SAMD3: variants seen among roughly 807,000 people sequenced by gnomAD.
SAMD3 encodes the protein sterile alpha motif domain-containing protein 3.
SAMD3 carries 63 observed loss-of-function variants against 58.5 expected under a neutral mutation model. The observed-to-expected ratio is 1.08, with a 90% CI of 0.88 to 1.33. The LOEUF (loss-of-function observed/expected upper bound fraction) is 1.33, where lower values mean the gene tolerates loss of function less well. SAMD3 is among the 40% of genes most tolerant of loss of function. SAMD3 has a pLI of 0.00. For missense variants in SAMD3, 604 were observed against 608.4 expected (o/e 0.99, Z 0.08); for synonymous variants, 220 against 210.3 (o/e 1.05, Z -0.40).
chr6:130,342,289 A>C (rs1043028232), intron 1 of SAMD3, among the ~76,000 whole-genome samples: 1 of 152,218 alleles, frequency 6.6e-6, no homozygotes, highest in African/African-American at 2.4e-5. Context: ...TACAAACCCC[A>C]GAAAAAATTG....
At chr6:130,146,955 C>T (rs532112181) in intron 9 of SAMD3, among the ~76,000 whole-genome samples, 5 of 151,952 alleles carry the variant, frequency 3.3e-5, no homozygotes, top group Admixed American at 6.6e-5. Flanking sequence ...GCCTGGGCAA[C>T]GTAGTGAGAC....
At chr6:130,173,489 C>G (rs1191521851) in intron 8 of SAMD3, among the ~76,000 whole-genome samples, 1 of 152,230 alleles carries the variant, frequency 6.6e-6, no homozygotes, top group Non-Finnish European at 1.5e-5. Context: ...TGCTATTCGT[C>G]TGGGTATTAC....
chr6:130,329,681 A>G (rs1776865850), intron 1 of SAMD3, among the ~76,000 whole-genome samples: 1 of 152,212 alleles, frequency 6.6e-6, no homozygotes, highest in African/African-American at 2.4e-5. Flanking sequence ...CCCATCAATG[A>G]TAGACTGGAT....
At chr6:130,255,359 C>T (rs1044676571) in intron 2 of SAMD3, among the ~76,000 whole-genome samples, 1 of 152,182 alleles carries the variant, frequency 6.6e-6, no homozygotes, top group Non-Finnish European at 1.5e-5. Context: ...TATTAATTTT[C>T]TATCTGGATG....
chr6:130,278,389 G>A (rs867708593), intron 2 of SAMD3, among the ~76,000 whole-genome samples: 3 of 152,164 alleles, frequency 2.0e-5, no homozygotes, highest in African/African-American at 7.2e-5. Context: ...GTGAATTACC[G>A]TTTCTCTATT....
intron 8 of SAMD3, among the ~76,000 whole-genome samples, chr6:130,168,231 C>T (rs779401962): frequency 6.6e-6 from 1 of 152,010 alleles, no homozygotes; most frequent in East Asian, 1.9e-4. Flanking sequence ...GTCAGGAGTT[C>T]GAGACCAGCC....
At chr6:130,217,807 T>G (rs988522984) in intron 1 of SAMD3, among the ~76,000 whole-genome samples, 1 of 152,248 alleles carries the variant, frequency 6.6e-6, no homozygotes, top group African/African-American at 2.4e-5. Flanking sequence ...GTCCAAAAGC[T>G]GAGACAACAA....
At chr6:130,290,347 T>G (rs896203953) in intron 2 of SAMD3, among the ~76,000 whole-genome samples, 3 of 152,228 alleles carry the variant, frequency 2.0e-5, no homozygotes, top group African/African-American at 7.2e-5. Context: ...TGTTACACTC[T>G]TGAGTTAGAA....
Position 130,175,955 on chromosome 6 carries a change from T to C in SAMD3, c.708A>G (p.Ile236Met). Residue 236 changes from isoleucine to methionine, a missense_variant, in exon 8 of 12, where the codon ATA (isoleucine) becomes ATG (methionine). Physicochemically the swap from Ile to Met is conservative, Grantham distance 10 (BLOSUM62 1). Transcript: ENST00000439090. ...KDRFKYVRRP[I>M]EDDEQVIRNK... is the part of the protein sequence containing the mutation. ...TTCTAATCACTTGCTCATCATCTTC[T>C]ATGGGTCTTCGAACATATTTAAAGC... 6.2e-7 allele frequency: 1 copy of C among 1,613,702 alleles called. No individual in the cohort carries two copies.
chr6:130,327,880 G>T (rs1459513427), intron 1 of SAMD3, among the ~76,000 whole-genome samples: 2 of 152,130 alleles, frequency 1.3e-5, no homozygotes, highest in African/African-American at 4.8e-5. Flanking sequence ...AGAAAATAAG[G>T]AAGAAGTGAA....
intron 2 of SAMD3, chr6:130,286,112 G>T (rs1247888026): frequency 6.6e-6 from 1 of 152,210 alleles, no homozygotes; most frequent in Non-Finnish European, 1.5e-5. Flanking sequence ...GAAATAATTT[G>T]CTTAGGATCA....
intron 1 of SAMD3, among the ~76,000 whole-genome samples, chr6:130,340,752 CATATTT>C (rs754624364): frequency 3.9e-5 from 6 of 152,194 alleles, no homozygotes; most frequent in Admixed American, 1.3e-4. Flanking sequence ...ATATTCTGAT[CATATTT>C]ATGTTTATAT....
intron 1 of SAMD3, among the ~76,000 whole-genome samples, chr6:130,330,183 C>T (rs1776885184): frequency 6.6e-6 from 1 of 152,068 alleles, no homozygotes; most frequent in South Asian, 2.1e-4. Flanking sequence ...GGATTGTTGC[C>T]TGAAAGGTCG....
At chr6:130,151,404 G>A (rs922894871) in intron 9 of SAMD3, among the ~76,000 whole-genome samples, 1 of 151,828 alleles carries the variant, frequency 6.6e-6, no homozygotes, top group African/African-American at 2.4e-5. Flanking sequence ...CTCCATTTGG[G>A]CCAAAACCAA....
intron 6 of SAMD3, 82 bp downstream of exon 6, chr6:130,184,356 G>C (rs1451672074): frequency 1.2e-5 from 16 of 1,362,828 alleles, no homozygotes; most frequent in Non-Finnish European, 1.5e-5. Flanking sequence ...ACAATCTGAA[G>C]AGAGTTGATT....
At chr6:130,192,733 C>T (rs1793673997) in intron 5 of SAMD3, among the ~76,000 whole-genome samples, 1 of 152,212 alleles carries the variant, frequency 6.6e-6, no homozygotes, top group African/African-American at 2.4e-5. Flanking sequence ...TGACTCGGAT[C>T]GGGGAACCTC....
chr6:130,229,519 G>A (rs935905384), intron 2 of SAMD3, among the ~76,000 whole-genome samples: 1 of 152,156 alleles, frequency 6.6e-6, no homozygotes, highest in Non-Finnish European at 1.5e-5. Flanking sequence ...GTGCTCCTGA[G>A]CTATTGGACT....
chr6:130,250,595 C>T (rs1773705642), intron 2 of SAMD3, among the ~76,000 whole-genome samples: 1 of 152,122 alleles, frequency 6.6e-6, no homozygotes, highest in South Asian at 2.1e-4. Flanking sequence ...CACCCTCACC[C>T]ATTGTTCTAT....
intron 2 of SAMD3, among the ~76,000 whole-genome samples, chr6:130,300,156 A>G (rs1775696890): frequency 6.6e-6 from 1 of 152,200 alleles, no homozygotes; most frequent in South Asian, 2.1e-4. Flanking sequence ...GACAAAACAA[A>G]AAGGAAACTA....
Sources: gnomAD v4.1 joint callset for allele counts (sites outside exome capture counted in the v4.1 genomes callset) on GRCh38, gnomAD v4.1.1 for gene constraint, MANE v1.5 for transcripts, NCBI Gene and HGNC (gene_info 2026-07-23, HGNC 2026-07-21) for gene names.